Variants in DPYD observed in about 807,000 individuals in gnomAD.
DPYD encodes the protein dihydropyrimidine dehydrogenase.
Under a neutral mutation model 116.2 loss-of-function variants are expected in DPYD, and 109 were observed. The ratio of observed to expected loss-of-function variants is 0.94; its 90% CI spans 0.80 to 1.10. DPYD has a LOEUF of 1.10. Ranked by LOEUF, DPYD falls within the 50% of genes least tolerant of loss-of-function variation. The pLI is 0.00. For missense variants in DPYD, 1,302 were observed against 1,254.5 expected (o/e 1.04, Z -0.57); for synonymous variants, 440 against 432.0 (o/e 1.02, Z -0.23).
intron 18 of DPYD, among the ~76,000 whole-genome samples, chr1:97,266,722 C>A (rs549489435): frequency 2.6e-5 from 4 of 152,080 alleles, no homozygotes; most frequent in Non-Finnish European, 4.4e-5. Flanking sequence ...ATGTTCTCTG[C>A]CCTGTGTCCA....
At chr1:97,860,430 T>C (rs1671060686) in intron 2 of DPYD, among the ~76,000 whole-genome samples, 1 of 152,130 alleles carries the variant, frequency 6.6e-6, no homozygotes, top group African/African-American at 2.4e-5. Context: ...TAGCTTACTG[T>C]GGGACATAAG....
At chr1:97,105,869 G>C (rs1225082074) in intron 20 of DPYD, among the ~76,000 whole-genome samples, 1 of 152,146 alleles carries the variant, frequency 6.6e-6, no homozygotes, top group Non-Finnish European at 1.5e-5. Flanking sequence ...GCAGTGCCTA[G>C]TTGTAGGAGG....
chr1:97,382,550 G>A (rs1672035801), intron 14 of DPYD, 89 bp from the exon 15 acceptor site: 2 of 700,100 alleles, frequency 2.9e-6, no homozygotes, highest in South Asian at 2.8e-5. Context: ...ATTTATAATG[G>A]TAAACTATAT....
intron 13 of DPYD, among the ~76,000 whole-genome samples, chr1:97,465,483 G>T (rs996537474): frequency 6.6e-6 from 1 of 152,116 alleles, no homozygotes; most frequent in East Asian, 1.9e-4. Context: ...TTGTGGGAGG[G>T]ACCCTGTGGG....
chr1:97,415,603 T>C (rs1335195487), intron 14 of DPYD, among the ~76,000 whole-genome samples: 1 of 152,178 alleles, frequency 6.6e-6, no homozygotes, highest in East Asian at 1.9e-4. Flanking sequence ...ACTACAGGCG[T>C]GAGCCACCAT....
intron 14 of DPYD, 28 bp downstream of exon 14, chr1:97,450,031 C>T (rs1229968150): frequency 6.2e-7 from 1 of 1,613,430 alleles, no homozygotes. Flanking sequence ...TGCCAATTCT[C>T]TTGTTTTAGA....
At chr1:97,115,712 T>C (rs143110430) in intron 20 of DPYD, among the ~76,000 whole-genome samples, 1 of 152,274 alleles carries the variant, frequency 6.6e-6, no homozygotes, top group East Asian at 1.9e-4. Context: ...ATTATTATGG[T>C]CACAATTGTT....
rs1175372618 is a variant in DPYD at position 97,234,928 on chromosome 1, G to A, written c.2366C>T (p.Pro789Leu). Residue 789 changes from proline to leucine, a missense_variant, in exon 19 of 23, where the codon CCC becomes CTC. By Grantham distance (98) the Pro-to-Leu change is moderately conservative. Transcript: ENST00000370192. Reference protein sequence around the residue: ...TSIARALPGFPILATGGIDSA... With the variant: ...TSIARALPGFLILATGGIDSA... ...GTCAATTCCACCAGTAGCCAAAATG[G>A]GAAATCCAGGCAGAGCACGAGCAAT... 6.2e-7 allele frequency: 1 copy of A among 1,614,006 alleles called. No individual in the cohort carries two copies. Among genetic ancestry groups the A allele is most frequent in the Non-Finnish European group, 8.5e-7 (1 of 1,179,974 alleles).
chr1:97,568,732 T>A (rs1652697732), intron 11 of DPYD, among the ~76,000 whole-genome samples: 1 of 152,036 alleles, frequency 6.6e-6, no homozygotes, highest in East Asian at 1.9e-4. Context: ...GCAGATCCCA[T>A]CATAGGAGAA....
chr1:97,612,458 G>A (rs560434535), intron 8 of DPYD, among the ~76,000 whole-genome samples: 1 of 152,098 alleles, frequency 6.6e-6, no homozygotes, highest in African/African-American at 2.4e-5. Flanking sequence ...GGGGTTAATG[G>A]TAAAACAAGC....
At chr1:97,234,141 C>G (rs1454655621) in intron 19 of DPYD, among the ~76,000 whole-genome samples, 3 of 152,094 alleles carry the variant, frequency 2.0e-5, no homozygotes, top group Admixed American at 2.0e-4. Context: ...ATATAAAAAG[C>G]TTGGTCCCTA....
At chr1:97,240,105 T>C (rs968541272) in intron 18 of DPYD, among the ~76,000 whole-genome samples, 7 of 152,020 alleles carry the variant, frequency 4.6e-5, no homozygotes, top group Non-Finnish European at 1.0e-4. Flanking sequence ...TCTGAAACCT[T>C]AAGAGGACCA....
At chr1:97,805,133 A>G (rs896724700) in intron 3 of DPYD, among the ~76,000 whole-genome samples, 1 of 151,932 alleles carries the variant, frequency 6.6e-6, no homozygotes, top group Admixed American at 6.6e-5. Flanking sequence ...TAGGAGACCA[A>G]CTAAAAGGCA....
At chr1:97,663,285 C>T (rs911285950) in intron 8 of DPYD, among the ~76,000 whole-genome samples, 4 of 152,138 alleles carry the variant, frequency 2.6e-5, no homozygotes, top group African/African-American at 9.7e-5. Context: ...CTCATAATCT[C>T]CCCTTATTTT....
At chr1:97,177,245 TA>T (rs1322507122) in intron 20 of DPYD, among the ~76,000 whole-genome samples, 1 of 152,098 alleles carries the variant, frequency 6.6e-6, no homozygotes, top group East Asian at 1.9e-4. Flanking sequence ...TTGAAAGAAA[TA>T]ATAGAGAAAT....
chr1:97,275,585 T>A (rs557176267), intron 18 of DPYD, among the ~76,000 whole-genome samples: 15 of 152,338 alleles, frequency 9.8e-5, no homozygotes, highest in African/African-American at 3.4e-4. Context: ...TGAAAGTGGC[T>A]TTAGAAATTT....
chr1:97,828,746 T>G (rs1669376906), intron 2 of DPYD, among the ~76,000 whole-genome samples: 2 of 152,084 alleles, frequency 1.3e-5, no homozygotes, highest in African/African-American at 4.8e-5. Flanking sequence ...TGTGTAATAT[T>G]TACAACTGCA....
At chr1:97,427,210 T>G (rs767031178) in intron 14 of DPYD, among the ~76,000 whole-genome samples, 1 of 152,100 alleles carries the variant, frequency 6.6e-6, no homozygotes, top group Non-Finnish European at 1.5e-5. Context: ...ATTATCTGTT[T>G]ATGAAGTTAA....
In DPYD at chr1:97,920,891, T is replaced by A; in HGVS notation, c.32A>T (p.Asp11Val). The change falls in exon 1 of 23, where the codon GAC becomes GTC. Residue 11 changes from aspartate to valine, a missense_variant. Physicochemically the swap from Asp to Val is radical, Grantham distance 152. Coordinates refer to ENST00000370192, the MANE Select transcript of DPYD (RefSeq NM_000110.4). ...CCGGCGCGAAGTCCGTACCTCGATG[T>A]CCGCCGAGTCCTTACTGAGCACAGG... The part of the protein sequence containing the change: MAPVLSKDSA[D>V]IESILALNPR... The A allele has an allele frequency of 6.3e-7, 1 of 1,593,308 alleles. No homozygotes were observed. Among genetic ancestry groups the A allele is most frequent in the Non-Finnish European group, 8.5e-7 (1 of 1,170,382 alleles).
Sources: allele counts gnomAD v4.1 joint callset (sites outside exome capture counted in the v4.1 genomes callset), GRCh38; gene constraint gnomAD v4.1.1; transcripts MANE v1.5; gene names NCBI Gene and HGNC (gene_info 2026-07-23, HGNC 2026-07-21).